Variants in FOXN2 observed in about 807,000 individuals in gnomAD.
FOXN2 encodes the protein forkhead box N2.
In FOXN2, 19 loss-of-function variants were observed where a neutral mutation model predicts 41.2. The ratio of observed to expected loss-of-function variants is 0.46; its 90% CI spans 0.32 to 0.68. The LOEUF is 0.68. Ranked by LOEUF, FOXN2 falls within the 30% of genes least tolerant of loss-of-function variation. FOXN2 has a pLI of 0.03. For missense variants in FOXN2, 587 were observed against 509.4 expected (o/e 1.15, Z -1.47); for synonymous variants, 195 against 176.8 (o/e 1.10, Z -0.82).
upstream of FOXN2, among the ~76,000 whole-genome samples, chr2:48,314,213 G>A (rs181293506): frequency 4.5e-4 from 69 of 152,384 alleles, no homozygotes; most frequent in African/African-American, 1.6e-3. Flanking sequence ...CCCGGGCACA[G>A]GCACCGAGGG....
chr2:48,339,591 C>T (rs1670604164), intron 2 of FOXN2, among the ~76,000 whole-genome samples: 4 of 152,118 alleles, frequency 2.6e-5, no homozygotes, highest in Non-Finnish European at 5.9e-5. Context: ...TAGAAACGGA[C>T]TAATACAGTA....
At chr2:48,327,361 C>T (rs1377900400) in intron 1 of FOXN2, among the ~76,000 whole-genome samples, 1 of 151,858 alleles carries the variant, frequency 6.6e-6, no homozygotes, top group Non-Finnish European at 1.5e-5. Flanking sequence ...GTTGATATGG[C>T]TTATTAGAAT....
Position 48,346,382 on chromosome 2 carries a change from C to T in FOXN2, c.168C>T (p.Leu56=), listed in dbSNP as rs1671101467. The T allele has an allele frequency of 1.2e-6, 2 of 1,614,186 alleles. No individual in the cohort carries two copies. Among genetic ancestry groups the T allele is most frequent in the Non-Finnish European group, 1.7e-6 (2 of 1,180,026 alleles). ...LVDSESADDE[L]TNLNWLHEST... ...ACAGTGAGTCAGCAGATGATGAACT[C>T]ACAAACTTGAACTGGCTTCATGAAA... The change falls in exon 3 of 7, where the codon CTC becomes CTT. Residue 56 remains leucine, a synonymous_variant. Transcript: ENST00000340553.
chr2:48,321,840 G>GA (rs1441114502), intron 1 of FOXN2, among the ~76,000 whole-genome samples: 1 of 152,058 alleles, frequency 6.6e-6, no homozygotes, highest in Non-Finnish European at 1.5e-5. Context: ...GGGTCTCTAT[G>GA]AAAAAAATAC....
chr2:48,350,502 G>C (rs775850272), intron 3 of FOXN2, among the ~76,000 whole-genome samples: 7 of 152,180 alleles, frequency 4.6e-5, no homozygotes, highest in Non-Finnish European at 7.3e-5. Context: ...AAAGTATTTT[G>C]CCTCTTCCTC....
At chr2:48,351,137 A>G (rs1176028021) in intron 3 of FOXN2, among the ~76,000 whole-genome samples, 1 of 151,636 alleles carries the variant, frequency 6.6e-6, no homozygotes. Flanking sequence ...ATTTTTTCTA[A>G]TTTTAGTAGA....
chr2:48,330,192 A>T (rs1228598689), intron 2 of FOXN2, among the ~76,000 whole-genome samples: 1 of 152,162 alleles, frequency 6.6e-6, no homozygotes, highest in Non-Finnish European at 1.5e-5. Flanking sequence ...CTTTTGAATA[A>T]ATCTGGAAAA....
intron 1 of FOXN2, among the ~76,000 whole-genome samples, chr2:48,317,398 G>C (rs1428075828): frequency 1.3e-5 from 2 of 150,960 alleles, no homozygotes; most frequent in Non-Finnish European, 2.9e-5. Context: ...GTAGTGAGTT[G>C]AGATCATGCC....
intron 1 of FOXN2, among the ~76,000 whole-genome samples, chr2:48,321,485 G>A (rs1368308126): frequency 6.6e-6 from 1 of 152,054 alleles, no homozygotes; most frequent in Non-Finnish European, 1.5e-5. Context: ...GCAGTGAGCC[G>A]AGATTGCCCC....
intron 5 of FOXN2, among the ~76,000 whole-genome samples, chr2:48,370,189 C>T (rs1672798029): frequency 6.6e-6 from 1 of 152,160 alleles, no homozygotes; most frequent in Non-Finnish European, 1.5e-5. Context: ...GGGAACCATT[C>T]ACCTGGAGGA....
intron 3 of FOXN2, among the ~76,000 whole-genome samples, chr2:48,355,852 A>G (rs1671757861): frequency 6.6e-6 from 1 of 152,228 alleles, no homozygotes; most frequent in Non-Finnish European, 1.5e-5. Context: ...CTGAAAAGAC[A>G]GGTCTAACAA....
At chr2:48,369,278 C>T (rs2104514644) in intron 5 of FOXN2, among the ~76,000 whole-genome samples, 1 of 152,314 alleles carries the variant, frequency 6.6e-6, no homozygotes, top group East Asian at 1.9e-4. Context: ...GGTCTCACGC[C>T]TGTAATCCCA....
intron 1 of FOXN2, among the ~76,000 whole-genome samples, chr2:48,316,827 G>A (rs902458376): frequency 2.0e-5 from 3 of 152,118 alleles, no homozygotes; most frequent in South Asian, 2.1e-4. Context: ...AATTTTACTG[G>A]AAGAATGTTA....
chr2:48,321,303 G>A (rs13385535), intron 1 of FOXN2, among the ~76,000 whole-genome samples: 67,019 of 151,896 alleles, frequency 0.44, 14,996 homozygotes, highest in East Asian at 0.52. Context: ...TGGGAGGCCA[G>A]GGTGGGCGGA....
At chr2:48,315,297 A>G (rs972569014) in intron 1 of FOXN2, among the ~76,000 whole-genome samples, 3 of 152,106 alleles carry the variant, frequency 2.0e-5, no homozygotes, top group African/African-American at 2.4e-5. Flanking sequence ...TCGGGCTCGG[A>G]GTCCTCGTCC....
At position 48,376,732 on chromosome 2, in the gene FOXN2, A is replaced by G. The variant is rs990388790; in HGVS notation, c.*1289A>G. 16 of 152,518 alleles carry G rather than the reference A, an allele frequency of 1.0e-4. No individual in the cohort carries two copies. The highest frequency in any genetic ancestry group is 3.9e-4 in the African/African-American group (16 of 41,462). 9.4% of individuals were successfully genotyped at this position (152,518 alleles called of 1,614,324 possible). On this transcript the variant is annotated 3_prime_UTR_variant, in exon 7 of 7. Transcript: ENST00000340553. ...AGTATCATTTGTATAATTTGATTAG[A>G]TTATTCAGAAACAATAGGATGCTAA...
intron 2 of FOXN2, among the ~76,000 whole-genome samples, chr2:48,336,084 A>G (rs1312020271): frequency 6.6e-6 from 1 of 150,830 alleles, no homozygotes; most frequent in Non-Finnish European, 1.5e-5. Context: ...AACCAGGAGA[A>G]GGTGATTGGA....
intron 3 of FOXN2, among the ~76,000 whole-genome samples, chr2:48,353,555 TGTG>T: frequency 9.6e-4 from 1 of 1,044 alleles, no homozygotes; most frequent in Non-Finnish European, 4.0e-3. Flanking sequence ...CTTAAGACTG[TGTG>T]TGTGTGTGTG....
At position 48,339,292 on chromosome 2, in the gene FOXN2, A is replaced by G. The variant is rs533172274; in HGVS notation, c.-14-6909A>G. ...AATTGTAATCCGAATTGTAATCCCC[A>G]AGTGTTGAGAAGGGGCCTTGTGGGA... On this transcript the variant is annotated intron_variant, in intron 2 of 6. Coordinates refer to ENST00000340553, the MANE Select transcript of FOXN2 (RefSeq NM_002158.4). Among the ~76,000 whole-genome samples, 15 of 152,180 alleles carry G rather than the reference A, an allele frequency of 9.9e-5. No homozygotes were observed. The South Asian group carries it at 3.1e-3, about 32-fold the overall frequency.
Sources: allele counts gnomAD v4.1 joint callset (sites outside exome capture counted in the v4.1 genomes callset), GRCh38; gene constraint gnomAD v4.1.1; transcripts MANE v1.5; gene names NCBI Gene and HGNC (gene_info 2026-07-23, HGNC 2026-07-21).